CHRNB3: variants seen among roughly 807,000 people sequenced by gnomAD.
The protein encoded by CHRNB3 is neuronal acetylcholine receptor subunit beta-3.
A neutral mutation model predicts 40.6 loss-of-function variants in CHRNB3; 37 were observed. The ratio of observed to expected loss-of-function variants is 0.91; its 90% CI spans 0.70 to 1.20. The LOEUF is 1.20. CHRNB3 is among the 50% of genes most tolerant of loss of function. CHRNB3 has a pLI of 0.00. For missense variants in CHRNB3, 505 were observed against 551.2 expected (o/e 0.92, Z 0.84); for synonymous variants, 207 against 207.1 (o/e 1.00, Z 0.00).
At chr8:42,709,588 C>T (rs62516745) in intron 2 of CHRNB3, among the ~76,000 whole-genome samples, 4,880 of 152,150 alleles carry the variant, frequency 0.032, 122 homozygotes, top group Middle Eastern at 0.11. Context: ...ATGCAAAGCC[C>T]GTCTCCAGTT....
At chr8:42,701,509 A>C (rs9643853) in intron 1 of CHRNB3, among the ~76,000 whole-genome samples, 93,262 of 151,998 alleles carry the variant, frequency 0.61, 33,186 homozygotes, top group East Asian at 0.8. Flanking sequence ...ATGCCACTGC[A>C]CCCCAGCTGG....
In CHRNB3 at chr8:42,731,888, A is replaced by T. The variant is rs146795777; in HGVS notation, c.581A>T (p.Asp194Val). The change falls in exon 5 of 6, where the codon GAC becomes GTC. Residue 194 changes from aspartate (D) to valine (V), a missense_variant. Transcript: ENST00000289957. ...ATCAATGAAAATGTCGACAGAAAAG[A>T]CTTCTTCGATAACGGAGAATGGGAA... ...ILINENVDRK[D>V]FFDNGEWEIL... is the part of the protein sequence containing the mutation. 1 of 1,614,004 alleles carries T rather than the reference A, an allele frequency of 6.2e-7. No individual in the cohort carries two copies. Among genetic ancestry groups the T allele is most frequent in the African/African-American group, 1.3e-5 (1 of 74,876 alleles).
At chr8:42,715,839 T>C (rs1354932610) in intron 3 of CHRNB3, among the ~76,000 whole-genome samples, 1 of 152,072 alleles carries the variant, frequency 6.6e-6, no homozygotes, top group Non-Finnish European at 1.5e-5. Context: ...CTATAAACTA[T>C]AAATATATTG....
intron 3 of CHRNB3, among the ~76,000 whole-genome samples, chr8:42,711,896 T>C (rs969294043): frequency 2.0e-5 from 3 of 152,156 alleles, no homozygotes; most frequent in African/African-American, 7.2e-5. Flanking sequence ...TGTGTTTTGT[T>C]CCCATCTTTG....
intron 3 of CHRNB3, among the ~76,000 whole-genome samples, chr8:42,723,100 A>G (rs906374512): frequency 7.7e-6 from 1 of 130,086 alleles, no homozygotes; most frequent in Non-Finnish European, 1.7e-5. Flanking sequence ...ATTTACTAAA[A>G]TATCGAATAG....
In CHRNB3 at chr8:42,710,398, G is replaced by C. The variant is rs80221890; in HGVS notation, c.213G>C (p.Lys71Asn). ...KISQLVDVDE[K>N]NQLMTTNVWL... ...AATTTTCATTTTCTTAGGATGAAAA[G>C]AATCAGCTGATGACAACCAATGTGT... Residue 71 changes from lysine (K) to asparagine (N), a missense_variant, in exon 3 of 6, where the codon AAG (lysine) becomes AAC (asparagine). Lys to Asn is a moderately conservative substitution (Grantham distance 94). Coordinates refer to ENST00000289957, the MANE Select transcript of CHRNB3 (RefSeq NM_000749.5). 57 of 1,607,956 alleles carry C rather than the reference G, an allele frequency of 3.5e-5. No individual in the cohort carries two copies. Among genetic ancestry groups the C allele is most frequent in the Non-Finnish European group, 4.5e-5 (53 of 1,176,388 alleles).
chr8:42,706,290 C>T (rs1815920494), intron 1 of CHRNB3, among the ~76,000 whole-genome samples: 1 of 151,856 alleles, frequency 6.6e-6, no homozygotes, highest in South Asian at 2.1e-4. Flanking sequence ...GGGTGGTGCA[C>T]AGTTAGGGCC....
intron 3 of CHRNB3, among the ~76,000 whole-genome samples, chr8:42,712,111 G>A (rs1816025978): frequency 1.3e-5 from 2 of 151,978 alleles, no homozygotes; most frequent in South Asian, 4.1e-4. Flanking sequence ...TCTTGCCTCA[G>A]CCTCCCGAGT....
intron 3 of CHRNB3, among the ~76,000 whole-genome samples, chr8:42,728,723 G>T (rs1218155267): frequency 1.3e-5 from 2 of 152,068 alleles, no homozygotes; most frequent in Non-Finnish European, 2.9e-5. Context: ...CAAAAGGGCA[G>T]CACCTGGGAA....
chr8:42,712,907 G>A (rs1385472828), intron 3 of CHRNB3, among the ~76,000 whole-genome samples: 1 of 146,828 alleles, frequency 6.8e-6, no homozygotes, highest in Non-Finnish European at 1.5e-5. Context: ...TGTCGCCCAG[G>A]CTAGAGTACA....
At chr8:42,707,797 G>A (rs1039047374) in intron 1 of CHRNB3, among the ~76,000 whole-genome samples, 4 of 152,212 alleles carry the variant, frequency 2.6e-5, no homozygotes, top group African/African-American at 9.7e-5. Flanking sequence ...AGAGGACCGT[G>A]AGGGGCACAC....
intron 3 of CHRNB3, among the ~76,000 whole-genome samples, chr8:42,723,039 T>C (rs183106552): frequency 0.011 from 1,596 of 143,200 alleles, 35 homozygotes; most frequent in African/African-American, 0.038. Flanking sequence ...AGATATCCTA[T>C]TACTTAGATA....
chr8:42,718,672 C>CAAAAAAA (rs59911208), intron 3 of CHRNB3, among the ~76,000 whole-genome samples: 2 of 82,746 alleles, frequency 2.4e-5, no homozygotes, highest in African/African-American at 5.0e-5. Context: ...GACTCTGTCT[C>CAAAAAAA]AAAAAAAAAA....
intron 3 of CHRNB3, among the ~76,000 whole-genome samples, chr8:42,712,859 C>CTTTTT (rs567650103): frequency 1.1e-4 from 13 of 114,708 alleles, no homozygotes; most frequent in East Asian, 5.3e-4. Context: ...CCACTGCTCT[C>CTTTTT]TTTTTTTTTT....
chr8:42,712,515 A>T (rs1397804115), intron 3 of CHRNB3, among the ~76,000 whole-genome samples: 2 of 152,214 alleles, frequency 1.3e-5, no homozygotes, highest in Non-Finnish European at 2.9e-5. Flanking sequence ...CTGATTCTCT[A>T]ATCAGTAGAA....
chr8:42,735,319 C>T (rs1816504848), intron 5 of CHRNB3, among the ~76,000 whole-genome samples: 1 of 152,140 alleles, frequency 6.6e-6, no homozygotes, highest in Non-Finnish European at 1.5e-5. Flanking sequence ...GGGTGGATCA[C>T]CTGAGGTCAG....
intron 3 of CHRNB3, among the ~76,000 whole-genome samples, chr8:42,717,412 CTG>C (rs1403737494): frequency 1.0e-5 from 1 of 99,700 alleles, no homozygotes; most frequent in Non-Finnish European, 2.1e-5. Context: ...AAAAGCCGAC[CTG>C]TTGTGGAAAG....
At chr8:42,716,506 A>G (rs898119344) in intron 3 of CHRNB3, among the ~76,000 whole-genome samples, 2 of 152,114 alleles carry the variant, frequency 1.3e-5, no homozygotes, top group African/African-American at 4.8e-5. Flanking sequence ...TGCTCCCTAC[A>G]GACCATGGCT....
intron 3 of CHRNB3, among the ~76,000 whole-genome samples, chr8:42,716,548 C>G (rs1816110554): frequency 6.6e-6 from 1 of 152,030 alleles, no homozygotes; most frequent in African/African-American, 2.4e-5. Context: ...GCTAGGGCTG[C>G]AGGCATATTT....
Sources: allele counts gnomAD v4.1 joint callset (sites outside exome capture counted in the v4.1 genomes callset), GRCh38; gene constraint gnomAD v4.1.1; transcripts MANE v1.5; gene names NCBI Gene and HGNC (gene_info 2026-07-23, HGNC 2026-07-21).